ZNF609: variants seen among roughly 807,000 people sequenced by gnomAD.
ZNF609 encodes the protein zinc finger protein 609.
Under a neutral mutation model 109.5 loss-of-function variants are expected in ZNF609, and 11 were observed. The ratio of observed to expected loss-of-function variants is 0.10; its 90% confidence interval spans 0.06 to 0.17. ZNF609 has a LOEUF of 0.17. Ranked by LOEUF, ZNF609 falls within the 10% of genes least tolerant of loss-of-function variation. The pLI is 1.00. For synonymous variants in ZNF609, 646 were observed against 662.0 expected (o/e 0.98, Z 0.37); for missense variants, 1,559 against 1,772.4 (o/e 0.88, Z 2.16).
chr15:64,491,297 T>C (rs1456106356), intron 1 of ZNF609, among the ~76,000 whole-genome samples: 1 of 152,224 alleles, frequency 6.6e-6, no homozygotes, highest in Non-Finnish European at 1.5e-5. Flanking sequence ...GAGGATGGTT[T>C]ACATGTTGTA....
chr15:64,510,788 A>G (rs1199085504), intron 2 of ZNF609, among the ~76,000 whole-genome samples: 1 of 152,034 alleles, frequency 6.6e-6, no homozygotes, highest in East Asian at 1.9e-4. Context: ...TTGACTGTGC[A>G]CCTGTGAAAT....
intron 2 of ZNF609, among the ~76,000 whole-genome samples, chr15:64,605,558 C>T (rs957851365): frequency 6.6e-6 from 1 of 152,154 alleles, no homozygotes; most frequent in African/African-American, 2.4e-5. Context: ...TAGCTAGGCA[C>T]TGTACACTGA....
intron 1 of ZNF609, among the ~76,000 whole-genome samples, chr15:64,475,780 C>T (rs72741345): frequency 0.061 from 9,332 of 152,202 alleles, 293 homozygotes; most frequent in South Asian, 0.087. Flanking sequence ...TCCTCTGTTC[C>T]GTAAACTCTT....
chr15:64,529,012 A>G (rs1595708589), intron 2 of ZNF609: 1 of 1,506,742 alleles, frequency 6.6e-7, no homozygotes, highest in Non-Finnish European at 9.1e-7. Flanking sequence ...CAGCTCAGGG[A>G]TGACCTTACC....
At chr15:64,582,148 T>C (rs1035733681) in intron 2 of ZNF609, among the ~76,000 whole-genome samples, 17 of 152,202 alleles carry the variant, frequency 1.1e-4, no homozygotes, top group African/African-American at 3.9e-4. Context: ...CCAAGCTGTT[T>C]TTGTAAATAA....
chr15:64,670,536 A>T, intron 4 of ZNF609, 103 bp downstream of exon 4: 1 of 969,988 alleles, frequency 1.0e-6, no homozygotes. Flanking sequence ...CTTTTAAAGG[A>T]CATGATGGTA....
At chr15:64,568,541 C>T (rs554375742) in intron 2 of ZNF609, among the ~76,000 whole-genome samples, 2 of 152,092 alleles carry the variant, frequency 1.3e-5, no homozygotes, top group South Asian at 2.1e-4. Context: ...GATTTCCATG[C>T]GTCAGTAGTT....
chr15:64,631,474 A>G (rs2140982515), intron 3 of ZNF609: 1 of 721,044 alleles, frequency 1.4e-6, no homozygotes, highest in East Asian at 2.6e-5. Context: ...TGATGTCTAC[A>G]ATATCACCTT....
chr15:64,519,388 G>A (rs993394168), intron 2 of ZNF609, among the ~76,000 whole-genome samples: 8 of 152,076 alleles, frequency 5.3e-5, no homozygotes, highest in African/African-American at 1.9e-4. Flanking sequence ...GAATGAAAGG[G>A]GCTCAGTATG....
At chr15:64,596,846 C>A (rs1257127157) in intron 2 of ZNF609, among the ~76,000 whole-genome samples, 1 of 152,070 alleles carries the variant, frequency 6.6e-6, no homozygotes. Flanking sequence ...CCAACCCTGC[C>A]CCAAGTACCT....
chr15:64,486,500 G>A (rs972692064), intron 1 of ZNF609, among the ~76,000 whole-genome samples: 3 of 145,430 alleles, frequency 2.1e-5, no homozygotes, highest in African/African-American at 2.5e-5. Context: ...CTCCAGCCCA[G>A]GTGACAGAGT....
At chr15:64,598,365 T>C (rs1217175170) in intron 2 of ZNF609, among the ~76,000 whole-genome samples, 2 of 152,144 alleles carry the variant, frequency 1.3e-5, no homozygotes, top group Non-Finnish European at 2.9e-5. Context: ...ATCCACCTGC[T>C]TCAACCTCCA....
chr15:64,545,432 C>A (rs1315271533), intron 2 of ZNF609, among the ~76,000 whole-genome samples: 1 of 152,092 alleles, frequency 6.6e-6, no homozygotes, highest in African/African-American at 2.4e-5. Flanking sequence ...CTCCTGAGCT[C>A]AAGGAATTCA....
At chr15:64,492,408 A>T (rs1034472993) in intron 1 of ZNF609, among the ~76,000 whole-genome samples, 2 of 152,226 alleles carry the variant, frequency 1.3e-5, no homozygotes, top group Non-Finnish European at 2.9e-5. Context: ...AAAATTTTTT[A>T]AACATTTTCC....
intron 1 of ZNF609, among the ~76,000 whole-genome samples, chr15:64,469,749 C>A (rs980843588): frequency 3.3e-5 from 5 of 152,036 alleles, no homozygotes; most frequent in African/African-American, 1.2e-4. Context: ...AAAAGGCTGG[C>A]CTGGCTTGGT....
chr15:64,515,630 C>T (rs1026311467), intron 2 of ZNF609, among the ~76,000 whole-genome samples: 4 of 152,024 alleles, frequency 2.6e-5, no homozygotes, highest in African/African-American at 7.2e-5. Flanking sequence ...ACCATCTAAT[C>T]ACCTCCTTAG....
At chr15:64,482,173 A>C (rs1194305865) in intron 1 of ZNF609, among the ~76,000 whole-genome samples, 2 of 152,248 alleles carry the variant, frequency 1.3e-5, no homozygotes, top group Non-Finnish European at 2.9e-5. Context: ...GATCCATTTA[A>C]GAATGAAAAC....
intron 3 of ZNF609, among the ~76,000 whole-genome samples, chr15:64,642,368 A>G (rs2140991135): frequency 6.6e-6 from 1 of 151,860 alleles, no homozygotes; most frequent in Non-Finnish European, 1.5e-5. Flanking sequence ...TTTCTTTTGT[A>G]GAGACTAGGT....
At chr15:64,654,589 A>T (rs1297140930) in intron 3 of ZNF609, among the ~76,000 whole-genome samples, 6 of 152,192 alleles carry the variant, frequency 3.9e-5, no homozygotes, top group Admixed American at 3.9e-4. Flanking sequence ...CTACTGCCTG[A>T]TAGCATGTTA....
Sources: gnomAD v4.1 joint callset for allele counts (sites outside exome capture counted in the v4.1 genomes callset) on GRCh38, gnomAD v4.1.1 for gene constraint, MANE v1.5 for transcripts, NCBI Gene and HGNC (gene_info 2026-07-23, HGNC 2026-07-21) for gene names.